The following TENM3 variants were observed in gnomAD, a reference collection of about 807,000 sequenced individuals.
TENM3 encodes the protein teneurin-3.
Under a neutral mutation model 255.1 loss-of-function variants are expected in TENM3, and 63 were observed. The observed-to-expected ratio is 0.25, with a 90% CI of 0.20 to 0.30. TENM3 has a LOEUF of 0.30. TENM3 is among the 10% of genes least tolerant of loss of function. The pLI, the probability that TENM3 is intolerant of heterozygous loss-of-function variation, is 1.00. For missense variants in TENM3, 2,929 were observed against 3,461.1 expected (o/e 0.85, Z 3.86); for synonymous variants, 1,306 against 1,322.3 (o/e 0.99, Z 0.27).
Position 182,639,283 on chromosome 4 carries a change from T to C in TENM3, c.988+10394T>C, listed in dbSNP as rs147812611. ...GTGTTTGTATCTCACCTTTGTCACT[T>C]AATAACTATGTAATCTTGAACAGGG... On this transcript the variant is annotated intron_variant, in intron 5 of 27. Transcript: ENST00000511685. Among the ~76,000 whole-genome samples the C allele has an allele frequency of 2.1e-3, 319 of 152,324 alleles. 1 individual carries two copies. Among genetic ancestry groups the C allele is most frequent in the Middle Eastern group, 6.8e-3 (2 of 294 alleles).
At chr4:182,681,147 G>A (rs147828870) in intron 10 of TENM3, among the ~76,000 whole-genome samples, 2 of 152,162 alleles carry the variant, frequency 1.3e-5, no homozygotes, top group African/African-American at 4.8e-5. Flanking sequence ...TCATGGATGT[G>A]TTCCATAGCT....
At chr4:182,756,401 T>G (rs1382447949) in intron 22 of TENM3, among the ~76,000 whole-genome samples, 7 of 152,092 alleles carry the variant, frequency 4.6e-5, no homozygotes, top group African/African-American at 1.7e-4. Context: ...GAAAGGAGAA[T>G]CAGCTGTTGA....
chr4:181,628,376 G>A, the TENM3 span, among the ~76,000 whole-genome samples: 3 of 152,154 alleles, frequency 2.0e-5, no homozygotes, highest in Non-Finnish European at 4.4e-5. Context: ...TGTTGCCATT[G>A]CTTTTGGTGT....
intron 3 of TENM3, among the ~76,000 whole-genome samples, chr4:182,386,799 T>G (rs1411781185): frequency 6.6e-6 from 1 of 152,212 alleles, no homozygotes; most frequent in Non-Finnish European, 1.5e-5. Flanking sequence ...GGGGCAGGCC[T>G]CCGGACTGAA....
intron 3 of TENM3, among the ~76,000 whole-genome samples, chr4:182,512,665 A>G (rs1158000418): frequency 1.3e-5 from 2 of 152,176 alleles, no homozygotes; most frequent in Non-Finnish European, 2.9e-5. Context: ...AAGAAAAAAC[A>G]CTCTGAAAAT....
At chr4:181,968,037 G>T in the TENM3 span, among the ~76,000 whole-genome samples, 1 of 152,154 alleles carries the variant, frequency 6.6e-6, no homozygotes, top group Non-Finnish European at 1.5e-5. Flanking sequence ...TAGTCCATTG[G>T]TTTGAGTCTT....
At chr4:182,478,723 A>G (rs9654295) in intron 3 of TENM3, among the ~76,000 whole-genome samples, 1,593 of 152,146 alleles carry the variant, frequency 0.01, 26 homozygotes, top group African/African-American at 0.037. Context: ...CTGCTCTTCA[A>G]CCAGAAAGGA....
At chr4:181,841,146 T>C in the TENM3 span, among the ~76,000 whole-genome samples, 345 of 152,264 alleles carry the variant, frequency 2.3e-3, 1 homozygote, top group African/African-American at 7.9e-3. Flanking sequence ...GTCTTAAATC[T>C]ATGCATTTTC....
intron 3 of TENM3, among the ~76,000 whole-genome samples, chr4:182,408,379 T>C (rs983787246): frequency 6.6e-6 from 1 of 152,218 alleles, no homozygotes; most frequent in African/African-American, 2.4e-5. Flanking sequence ...GAAATATGTA[T>C]CATGTTCTGG....
chr4:181,616,314 TACACACACACACACAC>T, the TENM3 span, among the ~76,000 whole-genome samples: 7 of 103,704 alleles, frequency 6.7e-5, no homozygotes, highest in Admixed American at 3.5e-4. Context: ...ACCCATAGAA[TACACACACACACACAC>T]ACACACACAC....
intron 2 of TENM3, among the ~76,000 whole-genome samples, chr4:182,335,510 A>AG (rs1764072849): frequency 6.7e-6 from 1 of 148,790 alleles, no homozygotes; most frequent in Admixed American, 6.7e-5. Context: ...AAAAAAAAAA[A>AG]AAAAAAAAAG....
intron 3 of TENM3, among the ~76,000 whole-genome samples, chr4:182,496,338 A>G (rs973977043): frequency 7.9e-5 from 12 of 152,146 alleles, no homozygotes; most frequent in Non-Finnish European, 1.5e-5. Flanking sequence ...TTTTACAGAA[A>G]TGATATATCA....
At chr4:181,767,063 T>C in the TENM3 span, among the ~76,000 whole-genome samples, 713 of 131,440 alleles carry the variant, frequency 5.4e-3, 11 homozygotes, top group Middle Eastern at 0.019. Context: ...CCATTCTGGC[T>C]AACAAGGGGA....
intron 3 of TENM3, among the ~76,000 whole-genome samples, chr4:182,449,707 C>T (rs1316195895): frequency 6.6e-6 from 1 of 152,184 alleles, no homozygotes; most frequent in Non-Finnish European, 1.5e-5. Flanking sequence ...AATAAGCTTG[C>T]TCATTAAAGA....
At chr4:181,496,560 G>A in the TENM3 span, among the ~76,000 whole-genome samples, 2 of 151,966 alleles carry the variant, frequency 1.3e-5, no homozygotes, top group Non-Finnish European at 1.5e-5. Context: ...AAAATATTGA[G>A]ATGTAACTTT....
the TENM3 span, among the ~76,000 whole-genome samples, chr4:181,917,375 C>A: frequency 6.6e-6 from 1 of 152,166 alleles, no homozygotes; most frequent in Non-Finnish European, 1.5e-5. Context: ...ATTTTAAAAG[C>A]ATCTCTCTTT....
the TENM3 span, among the ~76,000 whole-genome samples, chr4:181,769,370 A>G: frequency 6.6e-6 from 1 of 152,176 alleles, no homozygotes; most frequent in Non-Finnish European, 1.5e-5. Flanking sequence ...CCTGGGTTTT[A>G]TTCTGGCTAA....
the TENM3 span, among the ~76,000 whole-genome samples, chr4:182,051,260 T>C: frequency 6.6e-6 from 1 of 151,708 alleles, no homozygotes; most frequent in African/African-American, 2.4e-5. Flanking sequence ...GGAGAATCGC[T>C]TGAAACTGGG....
intron 6 of TENM3, among the ~76,000 whole-genome samples, chr4:182,658,810 C>T (rs146028981): frequency 6.6e-6 from 1 of 152,336 alleles, no homozygotes; most frequent in East Asian, 1.9e-4. Context: ...AGCTCACTCA[C>T]ATGGCTGGCA....
Sources: allele counts gnomAD v4.1 joint callset (sites outside exome capture counted in the v4.1 genomes callset), GRCh38; gene constraint gnomAD v4.1.1; transcripts MANE v1.5; gene names NCBI Gene and HGNC (gene_info 2026-07-23, HGNC 2026-07-21).